The following ATP1A4 variants were observed in gnomAD, a reference collection of about 807,000 sequenced individuals.
ATP1A4 encodes the protein sodium/potassium-transporting ATPase subunit alpha-4.
A neutral mutation model predicts 114.3 loss-of-function variants in ATP1A4; 90 were observed. The ratio of observed to expected loss-of-function variants is 0.79; its 90% CI spans 0.66 to 0.94. The LOEUF (loss-of-function observed/expected upper bound fraction) is 0.94, where lower values mean the gene tolerates loss of function less well. Among genes scored for constraint, ATP1A4 ranks in the 40% least tolerant of loss-of-function variants. ATP1A4 has a pLI of 0.00. For synonymous variants in ATP1A4, 511 were observed against 494.1 expected, an observed-to-expected ratio of 1.03 and a Z score of -0.45; for missense variants, 1,222 against 1,313.6, an observed-to-expected ratio of 0.93 and a Z score of 1.08.
At chr1:160,177,898 G>A (rs1653537945) in intron 18 of ATP1A4, among the ~76,000 whole-genome samples, 1 of 152,136 alleles carries the variant, frequency 6.6e-6, no homozygotes, top group African/African-American at 2.4e-5. Context: ...CCTGTCTGTT[G>A]TCTGGCCCTG....
At chr1:160,176,383 T>C (rs881291) in intron 16 of ATP1A4, 96 bp from the exon 17 acceptor site, 490,614 of 1,592,486 alleles carry the variant, frequency 0.31, 81,126 homozygotes, top group East Asian at 0.64. Flanking sequence ...CAAGATGGAT[T>C]GAGGCTGCGT....
At chr1:160,179,020 T>C (rs11265346) in intron 18 of ATP1A4, among the ~76,000 whole-genome samples, 28,716 of 152,192 alleles carry the variant, frequency 0.19, 3,223 homozygotes, top group African/African-American at 0.32. Flanking sequence ...GTAACTTGCT[T>C]AAAGTCCCAC....
chr1:160,181,914 G>A lies in ATP1A4; in HGVS notation c.2868-16G>A. On this transcript the variant is annotated splice_polypyrimidine_tract_variant and intron_variant, in intron 19 of 21. Transcript: ENST00000368081. ...TCTTCTCCCTCCCCGCCACACCCAT[G>A]AATGTTTCTTCCCAGAAACAAAGTC... The A allele has an allele frequency of 6.2e-7, 1 of 1,613,514 alleles. No homozygotes were observed.
chr1:160,154,041 T>G (rs910066239), intron 2 of ATP1A4, among the ~76,000 whole-genome samples: 1 of 152,194 alleles, frequency 6.6e-6, no homozygotes, highest in Non-Finnish European at 1.5e-5. Context: ...TATGCATTCA[T>G]GTTTTTTGTT....
intron 6 of ATP1A4, 58 bp from the exon 7 acceptor site, chr1:160,164,098 T>C (rs965818463): frequency 6.3e-6 from 10 of 1,579,134 alleles, no homozygotes; most frequent in East Asian, 2.2e-5. Context: ...CAGAGACCAA[T>C]ATCTATACTT....
chr1:160,158,080 G>A (rs573692209), intron 4 of ATP1A4, among the ~76,000 whole-genome samples: 2 of 152,144 alleles, frequency 1.3e-5, no homozygotes, highest in South Asian at 4.2e-4. Flanking sequence ...TTGGAGACTA[G>A]GAGTTTAGGC....
At chr1:160,171,144 T>G in intron 10 of ATP1A4, 107 bp from the exon 11 acceptor site, 3 of 1,017,400 alleles carry the variant, frequency 2.9e-6, no homozygotes, top group African/African-American at 1.6e-5. Context: ...ACAAAAGAAA[T>G]GGGGGTATGA....
At chr1:160,181,596 G>A (rs1653704291) in intron 18 of ATP1A4, 88 bp from the exon 19 acceptor site, 13 of 1,467,302 alleles carry the variant, frequency 8.9e-6, no homozygotes, top group African/African-American at 1.4e-5. Context: ...ACTCAGCCCA[G>A]GGGTCCTGGA....
intron 10 of ATP1A4, chr1:160,170,954 G>A (rs890557335): frequency 7.3e-6 from 2 of 274,750 alleles, no homozygotes; most frequent in South Asian, 1.3e-4. Context: ...CTGCTCTCTC[G>A]CCATCCAGTT....
chr1:160,155,025 C>A lies in ATP1A4; in HGVS notation c.208-20C>A. 1 of 1,610,076 alleles carries A rather than the reference C, an allele frequency of 6.2e-7. No individual in the cohort carries two copies. Among genetic ancestry groups the A allele is most frequent in the Non-Finnish European group, 8.5e-7 (1 of 1,177,250 alleles). On this transcript the variant is annotated intron_variant, in intron 2 of 21. Coordinates refer to ENST00000368081, the MANE Select transcript of ATP1A4 (RefSeq NM_144699.4). Reference sequence around the variant, plus strand: ...CTCTTTTCACAGCTCTCTATCCAACCCTATTTCTTCTCTGCACAGGGCCAT... The same window carrying A: ...CTCTTTTCACAGCTCTCTATCCAACACTATTTCTTCTCTGCACAGGGCCAT...
rs730313 is a variant in ATP1A4, at chr1:160,152,046, G to A, written c.6G>A (p.Gly2=). Residue 2 remains glycine (G), a synonymous_variant, in exon 1 of 22, where the codon GGG becomes GGA. Coordinates refer to ENST00000368081, the MANE Select transcript of ATP1A4 (RefSeq NM_144699.4). M[G]LWGKKGTVAP... is the part of the protein sequence containing the mutation. ...AGCTCTTTCTGGGGATAGCTATGGG[G>A]CTTTGGGGGAAGAAAGGGACAGTGG... 9,154 of 1,613,250 alleles carry A rather than the reference G, an allele frequency of 5.7e-3. 432 individuals carry two copies. In the African/African-American group the frequency reaches 0.1, roughly 18 times the overall value.
intron 6 of ATP1A4, among the ~76,000 whole-genome samples, chr1:160,160,211 C>G (rs752750182): frequency 3.5e-4 from 53 of 152,014 alleles, no homozygotes; most frequent in Non-Finnish European, 7.1e-4. Context: ...AAAAATAGTT[C>G]TTTTGTTTGT....
At chr1:160,164,130 A>C in intron 6 of ATP1A4, 26 bp from the exon 7 acceptor site, 1 of 1,610,096 alleles carries the variant, frequency 6.2e-7, no homozygotes, top group Non-Finnish European at 8.5e-7. Context: ...ACAACATCAC[A>C]TTGCCCTCTC....
At chr1:160,170,993 G>A (rs1433839597) in intron 10 of ATP1A4, 1 of 359,896 alleles carries the variant, frequency 2.8e-6, no homozygotes, top group Non-Finnish European at 5.0e-6. Context: ...AAGTGAGAGT[G>A]CCTGGTTCTG....
chr1:160,180,640 C>T (rs1303130808), intron 18 of ATP1A4, among the ~76,000 whole-genome samples: 1 of 149,910 alleles, frequency 6.7e-6, no homozygotes, highest in Non-Finnish European at 1.5e-5. Flanking sequence ...ACATTGTCCT[C>T]TGGCCCCACC....
In ATP1A4 at chr1:160,177,608, C is replaced by G; in HGVS notation, c.2680C>G (p.Leu894Val). The change falls in exon 18 of 22, where the codon CTC becomes GTC. Residue 894 changes from leucine to valine, a missense_variant. Leu to Val is a conservative substitution (Grantham distance 32). Coordinates refer to ENST00000368081, the MANE Select transcript of ATP1A4 (RefSeq NM_144699.4). ...FRPVDLLGIRLHWEDKYLNDL... is the reference protein window; with the variant it reads ...FRPVDLLGIRVHWEDKYLNDL... ...GCCTGTTGATCTGCTGGGCATCCGC[C>G]TCCACTGGGAAGATAAATACTTGAA... 2 of 1,614,194 alleles carry G rather than the reference C, an allele frequency of 1.2e-6. No individual in the cohort carries two copies. Among genetic ancestry groups the G allele is most frequent in the South Asian group, 1.1e-5 (1 of 91,078 alleles).
At chr1:160,162,775 G>A (rs1652907201) in intron 6 of ATP1A4, among the ~76,000 whole-genome samples, 2 of 152,132 alleles carry the variant, frequency 1.3e-5, no homozygotes, top group Non-Finnish European at 2.9e-5. Context: ...AGGGGATGTT[G>A]GAACATAGGG....
rs1653898485 is a variant in ATP1A4 at position 160,186,431 on chromosome 1, C to T, written c.3061+64C>T. The T allele has an allele frequency of 7.0e-6, 9 of 1,286,028 alleles. No individual in the cohort carries two copies. The South Asian group carries it at 1.1e-4, about 16-fold the overall frequency. The allele number at this position is 1,286,028 out of a possible 1,614,324, so 79.7% of individuals were successfully genotyped here. On this transcript the variant is annotated intron_variant, in intron 21 of 21. Coordinates refer to ENST00000368081, the MANE Select transcript of ATP1A4 (RefSeq NM_144699.4). ...CCAGCCCCCTCACTAGCTCTCCCATCCCACCTAGTCCCTCCAGACCCACCA... is the reference window on the plus strand; with the variant it reads ...CCAGCCCCCTCACTAGCTCTCCCATTCCACCTAGTCCCTCCAGACCCACCA...
In ATP1A4 at chr1:160,173,680, G is replaced by A. The variant is rs777355284; in HGVS notation, c.1954G>A (p.Ala652Thr). The A allele has an allele frequency of 6.2e-7, 1 of 1,614,134 alleles. No individual in the cohort carries two copies. The highest frequency in any genetic ancestry group is 1.1e-5 in the South Asian group (1 of 91,074). Residue 652 changes from alanine (A) to threonine (T), a missense_variant, in exon 13 of 22, where the codon GCC becomes ACC. Ala to Thr is a moderately conservative substitution (Grantham distance 58, BLOSUM62 0). Coordinates refer to ENST00000368081, the MANE Select transcript of ATP1A4 (RefSeq NM_144699.4). Reference sequence around the variant, plus strand: ...CACTGAGACGGCAGAGGAAGTCGCTGCCCGGCTTAAGATCCCTATCAGCAA... The same window carrying A: ...CACTGAGACGGCAGAGGAAGTCGCTACCCGGCTTAAGATCCCTATCAGCAA... ...EGTETAEEVA[A>T]RLKIPISKVD...
Sources: gnomAD v4.1 joint callset for allele counts (sites outside exome capture counted in the v4.1 genomes callset) on GRCh38, gnomAD v4.1.1 for gene constraint, MANE v1.5 for transcripts, NCBI Gene and HGNC (gene_info 2026-07-23, HGNC 2026-07-21) for gene names.